GABRG3: variants seen among roughly 807,000 people sequenced by gnomAD.
The protein encoded by GABRG3 is gamma-aminobutyric acid receptor subunit gamma-3.
A neutral mutation model predicts 48.8 loss-of-function variants in GABRG3; 25 were observed. The ratio of observed to expected loss-of-function variants is 0.51; its 90% CI spans 0.37 to 0.72. GABRG3 has a LOEUF of 0.72. GABRG3 is among the 30% of genes least tolerant of loss of function. The pLI is 0.00. For synonymous variants in GABRG3, 227 were observed against 217.6 expected (o/e 1.04, Z -0.38); for missense variants, 394 against 577.9 (o/e 0.68, Z 3.26).
intron 3 of GABRG3, among the ~76,000 whole-genome samples, chr15:27,105,394 C>T (rs1897432184): frequency 6.6e-6 from 1 of 152,144 alleles, no homozygotes; most frequent in Admixed American, 6.5e-5. Flanking sequence ...ATCAGCCAAT[C>T]AACCAACAAG....
Position 26,976,897 on chromosome 15 carries a change from TG to T in GABRG3, c.54-101del. The T allele has an allele frequency of 8.8e-7, 1 of 1,134,246 alleles. No individual in the cohort carries two copies. The highest frequency in any genetic ancestry group is 1.3e-6 in the Non-Finnish European group (1 of 775,380). 70.3% of individuals were successfully genotyped at this position (1,134,246 alleles called of 1,614,324 possible). A position where few individuals can be genotyped will look rare whatever the true frequency, so the allele number is the denominator to read the frequency against. On this transcript the variant is annotated intron_variant, in intron 1 of 9. Coordinates refer to ENST00000615808, the MANE Select transcript of GABRG3 (RefSeq NM_033223.5). The surrounding 1 kb of genome is among the most constrained non-coding windows in gnomAD (Gnocchi z 7.8). ...ACGTGTGTGGTTGGGCTGTGGGTAC[TG>T]GGGACTTTCTACCCATTTCATGGTA...
chr15:27,369,786 G>A lies in GABRG3; in HGVS notation c.574+40898G>A, dbSNP rs112856208. Among the ~76,000 whole-genome samples the A allele has an allele frequency of 2.4e-3, 292 of 121,368 alleles. 2 individuals carry two copies. The highest frequency in any genetic ancestry group is 0.022 in the Admixed American group (200 of 9,274). 79.6% of individuals were successfully genotyped at this position (121,368 alleles called of 152,430 possible). A position where few individuals can be genotyped will look rare whatever the true frequency, so the allele number is the denominator to read the frequency against. On this transcript the variant is annotated intron_variant, in intron 5 of 9. Transcript: ENST00000615808. ...TGCACCACTGCACTCCAGCCTGGGC[G>A]ACAGAGTGAGACTCCGTCTCAAAAA...
chr15:27,308,103 T>G (rs1433206156), intron 3 of GABRG3, among the ~76,000 whole-genome samples: 1 of 129,250 alleles, frequency 7.7e-6, no homozygotes, highest in East Asian at 2.3e-4. Flanking sequence ...TATAAACATA[T>G]ATGTTTATAC....
chr15:27,176,552 G>A (rs1410949477), intron 3 of GABRG3, among the ~76,000 whole-genome samples: 1 of 152,188 alleles, frequency 6.6e-6, no homozygotes. Flanking sequence ...GTAAAGGCAT[G>A]AGTGATCCTG....
chr15:27,448,129 A>T (rs116476132), intron 5 of GABRG3, among the ~76,000 whole-genome samples: 1,698 of 143,616 alleles, frequency 0.012, 34 homozygotes, highest in African/African-American at 0.046. Context: ...CGTTTTTTTT[A>T]AAAAAAGGAC....
At chr15:27,248,946 C>T (rs1049120398) in intron 3 of GABRG3, among the ~76,000 whole-genome samples, 1 of 152,076 alleles carries the variant, frequency 6.6e-6, no homozygotes, top group Non-Finnish European at 1.5e-5. Context: ...CGGCGACTGG[C>T]CCCGGAGGCT....
chr15:27,139,047 G>T (rs1167512710), intron 3 of GABRG3, among the ~76,000 whole-genome samples: 2 of 152,026 alleles, frequency 1.3e-5, no homozygotes, highest in African/African-American at 2.4e-5. Flanking sequence ...AGACAGAGAG[G>T]TATATGAGAA....
intron 3 of GABRG3, among the ~76,000 whole-genome samples, chr15:27,177,168 G>A (rs1566955510): frequency 6.6e-6 from 1 of 152,130 alleles, no homozygotes; most frequent in Admixed American, 6.5e-5. Flanking sequence ...GTCTTTGTGT[G>A]CTGAGTCAAT....
intron 5 of GABRG3, among the ~76,000 whole-genome samples, chr15:27,480,180 C>G (rs140311630): frequency 1.1e-4 from 16 of 152,352 alleles, no homozygotes; most frequent in African/African-American, 3.6e-4. Context: ...GAGAAAGGGT[C>G]TATCAAATCC....
At chr15:27,482,609 A>G (rs1302686334) in intron 6 of GABRG3, among the ~76,000 whole-genome samples, 1 of 151,770 alleles carries the variant, frequency 6.6e-6, no homozygotes, top group African/African-American at 2.4e-5. Flanking sequence ...CATTATGACT[A>G]TGGCAGTAAC....
In GABRG3 at chr15:27,194,873, A is replaced by C. The variant is rs189203838; in HGVS notation, c.271-131936A>C. ...AATCCTCTCTCTCTCTTCTCCTTCC[A>C]AAATTCTGACAGTATAAAAGTTAAC... On this transcript the variant is annotated intron_variant, in intron 3 of 9. Transcript: ENST00000615808. Among the ~76,000 whole-genome samples the C allele has an allele frequency of 7.7e-4, 118 of 152,280 alleles. 1 individual carries two copies. Among genetic ancestry groups the C allele is most frequent in the African/African-American group, 2.8e-3 (117 of 41,568 alleles).
In GABRG3 at chr15:27,081,821, C is replaced by T. The variant is rs749519561; in HGVS notation, c.270+55000C>T. ...ACATACTGCAGATGCTCATGCTTTT[C>T]CCGTATGGGTATGACATCGATTTTC... On this transcript the variant is annotated intron_variant, in intron 3 of 9. Transcript: ENST00000615808. Among the ~76,000 whole-genome samples the T allele has an allele frequency of 5.9e-5, 9 of 152,204 alleles. 1 individual carries two copies. The highest frequency in any genetic ancestry group is 4.1e-4 in the South Asian group (2 of 4,828).
intron 5 of GABRG3, among the ~76,000 whole-genome samples, chr15:27,448,274 C>G (rs1394595210): frequency 6.6e-6 from 1 of 152,134 alleles, no homozygotes; most frequent in Non-Finnish European, 1.5e-5. Context: ...AAATAATTGT[C>G]CATCCCCTTT....
At chr15:27,465,227 G>T (rs1412671752) in intron 5 of GABRG3, among the ~76,000 whole-genome samples, 1 of 152,200 alleles carries the variant, frequency 6.6e-6, no homozygotes, top group Admixed American at 6.5e-5. Flanking sequence ...TGGGACCAAG[G>T]ATCAGTGGCA....
At chr15:27,218,617 C>G (rs561527578) in intron 3 of GABRG3, among the ~76,000 whole-genome samples, 23 of 152,280 alleles carry the variant, frequency 1.5e-4, no homozygotes, top group African/African-American at 5.1e-4. Flanking sequence ...AGTGTGGTGT[C>G]CTGGCTGGAT....
At chr15:27,317,276 G>C (rs191280204) in intron 3 of GABRG3, among the ~76,000 whole-genome samples, 2 of 152,238 alleles carry the variant, frequency 1.3e-5, no homozygotes, top group East Asian at 3.9e-4. Context: ...GACTTGCAGC[G>C]AGCTGACACT....
chr15:27,199,754 C>G (rs918139317), intron 3 of GABRG3, among the ~76,000 whole-genome samples: 9 of 152,162 alleles, frequency 5.9e-5, no homozygotes, highest in African/African-American at 1.7e-4. Context: ...CCAAATAAAC[C>G]TTTTCTTCGT....
intron 3 of GABRG3, among the ~76,000 whole-genome samples, chr15:27,130,217 C>A (rs1293210177): frequency 6.6e-6 from 1 of 152,012 alleles, no homozygotes; most frequent in Non-Finnish European, 1.5e-5. Context: ...AAATTTGAAT[C>A]AATTTTTGTA....
chr15:27,429,412 G>C (rs1453330730), intron 5 of GABRG3, among the ~76,000 whole-genome samples: 2 of 152,170 alleles, frequency 1.3e-5, no homozygotes, highest in Non-Finnish European at 2.9e-5. Context: ...TCATTTTCAA[G>C]TCACAACTTT....
Sources: allele counts gnomAD v4.1 joint callset (sites outside exome capture counted in the v4.1 genomes callset), GRCh38; gene constraint gnomAD v4.1.1; non-coding constraint Gnocchi (gnomAD v3.1); transcripts MANE v1.5; gene names NCBI Gene and HGNC (gene_info 2026-07-23, HGNC 2026-07-21).